PTPRK: variants seen among roughly 807,000 people sequenced by gnomAD.
The protein encoded by PTPRK is protein tyrosine phosphatase receptor type K.
In PTPRK, 75 loss-of-function variants were observed where a neutral mutation model predicts 178.0. The ratio of observed to expected loss-of-function variants is 0.42; its 90% confidence interval spans 0.35 to 0.51. PTPRK has a LOEUF of 0.51. Ranked by LOEUF, PTPRK falls within the 20% of genes least tolerant of loss-of-function variation. The pLI, the probability that PTPRK is intolerant of heterozygous loss-of-function variation, is 0.02. For synonymous variants in PTPRK, 637 were observed against 620.6 expected (o/e 1.03, Z -0.39); for missense variants, 1,441 against 1,797.8 (o/e 0.80, Z 3.59).
chr6:127,986,642 C>T (rs904275366), intron 21 of PTPRK, among the ~76,000 whole-genome samples: 1 of 151,884 alleles, frequency 6.6e-6, no homozygotes, highest in Non-Finnish European at 1.5e-5. Context: ...TGAAATATTG[C>T]CGAATTTATT....
At chr6:128,175,741 G>T (rs1800967115) in intron 7 of PTPRK, among the ~76,000 whole-genome samples, 2 of 151,660 alleles carry the variant, frequency 1.3e-5, no homozygotes, top group Admixed American at 1.3e-4. Flanking sequence ...TGCAACATTT[G>T]ATGTATTATT....
At chr6:128,026,243 C>T (rs189192991) in intron 13 of PTPRK, among the ~76,000 whole-genome samples, 224 of 152,284 alleles carry the variant, frequency 1.5e-3, no homozygotes, top group Non-Finnish European at 2.6e-3. Flanking sequence ...TTTACTGCTA[C>T]CAGAACCTCT....
intron 2 of PTPRK, among the ~76,000 whole-genome samples, chr6:128,367,052 C>T (rs907971008): frequency 1.3e-5 from 2 of 152,052 alleles, no homozygotes; most frequent in Middle Eastern, 3.2e-3. Flanking sequence ...CTGGGTTGGA[C>T]CTACTATATT....
intron 3 of PTPRK, among the ~76,000 whole-genome samples, chr6:128,307,394 T>C (rs890018251): frequency 6.7e-6 from 1 of 150,220 alleles, no homozygotes; most frequent in Non-Finnish European, 1.5e-5. Flanking sequence ...AGAAGAAATA[T>C]AGAATTAAAT....
intron 15 of PTPRK, among the ~76,000 whole-genome samples, chr6:128,000,658 C>T (rs937059756): frequency 5.9e-5 from 9 of 151,998 alleles, no homozygotes; most frequent in African/African-American, 1.7e-4. Flanking sequence ...ATCAACAGAC[C>T]GACATAAAGA....
chr6:128,445,664 A>G (rs764437418), intron 1 of PTPRK, among the ~76,000 whole-genome samples: 53 of 152,102 alleles, frequency 3.5e-4, no homozygotes, highest in Non-Finnish European at 6.2e-4. Context: ...GCAATTATAT[A>G]TTTGATTTTT....
chr6:128,350,757 T>C (rs1446188007), intron 2 of PTPRK, among the ~76,000 whole-genome samples: 1 of 152,222 alleles, frequency 6.6e-6, no homozygotes, highest in Non-Finnish European at 1.5e-5. Context: ...TAATATTTAC[T>C]CTTAAAATGA....
chr6:127,973,178 G>A (rs1351970906), intron 28 of PTPRK, 21 bp from the exon 29 acceptor site: 1 of 1,613,326 alleles, frequency 6.2e-7, no homozygotes, highest in Non-Finnish European at 8.5e-7. Context: ...AGAAAGCAAA[G>A]GCATTTTAGA....
chr6:128,488,936 A>G (rs1481558515), intron 1 of PTPRK, among the ~76,000 whole-genome samples: 2 of 152,106 alleles, frequency 1.3e-5, no homozygotes, highest in Admixed American at 1.3e-4. Flanking sequence ...AAAAAAAAAT[A>G]AGAAAAACTA....
In PTPRK at chr6:128,089,920, G is replaced by A; in HGVS notation, c.1235C>T (p.Ser412Phe). The A allele has an allele frequency of 6.2e-7, 1 of 1,612,224 alleles. No homozygotes were observed. Among genetic ancestry groups the A allele is most frequent in the Non-Finnish European group, 8.5e-7 (1 of 1,178,278 alleles). ...GCAACGCGTAATGTTGTAACCCAAG[G>A]ATTCCCAGTCCACAGCAATCCGTCT... ...QARRIAVDWESLGYNITRCHT... is the reference protein window; with the variant it reads ...QARRIAVDWEFLGYNITRCHT... The change falls in exon 8 of 30, where the codon TCC becomes TTC. Residue 412 changes from serine to phenylalanine, a missense_variant. Transcript: ENST00000368226.
chr6:128,153,377 C>T (rs986313535), intron 7 of PTPRK, among the ~76,000 whole-genome samples: 2 of 151,734 alleles, frequency 1.3e-5, no homozygotes, highest in Non-Finnish European at 2.9e-5. Flanking sequence ...GCTATTAATG[C>T]ATAGTATAAG....
At chr6:128,207,469 A>G (rs184741881) in intron 6 of PTPRK, among the ~76,000 whole-genome samples, 2 of 152,354 alleles carry the variant, frequency 1.3e-5, no homozygotes, top group East Asian at 3.9e-4. Flanking sequence ...ACTCATTTAC[A>G]TGCAAGTTAG....
intron 7 of PTPRK, among the ~76,000 whole-genome samples, chr6:128,128,777 A>C (rs142693461): frequency 2.0e-4 from 31 of 152,164 alleles, no homozygotes; most frequent in Non-Finnish European, 4.3e-4. Context: ...TATACACTCA[A>C]CTCTCAAGAG....
chr6:128,361,303 T>C (rs1168521456), intron 2 of PTPRK, among the ~76,000 whole-genome samples: 2 of 152,220 alleles, frequency 1.3e-5, no homozygotes, highest in African/African-American at 2.4e-5. Context: ...TTTTCTTCAG[T>C]GTAACTAAAC....
intron 3 of PTPRK, among the ~76,000 whole-genome samples, chr6:128,307,868 C>G (rs1826665216): frequency 6.6e-6 from 1 of 152,042 alleles, no homozygotes; most frequent in Non-Finnish European, 1.5e-5. Context: ...GCCAATTGTT[C>G]AGTCATTTTG....
intron 5 of PTPRK, among the ~76,000 whole-genome samples, chr6:128,239,823 C>T (rs141071986): frequency 1.8e-4 from 28 of 152,298 alleles, no homozygotes; most frequent in African/African-American, 6.3e-4. Flanking sequence ...AACAAAAATA[C>T]TTATTAATTA....
At position 128,322,104 on chromosome 6, in the gene PTPRK, A is replaced by G; in HGVS notation, c.430T>C (p.Phe144Leu). Reference protein sequence around the residue: ...LANPIWNVTGFTGRDWLRAEL... With the variant: ...LANPIWNVTGLTGRDWLRAEL... ...GCCCGAAGCCAATCTCTACCCGTGA[A>G]TCCAGTCACATTCCAAATTGGATTG... is the stretch of plus-strand genomic sequence containing the variant. Residue 144 changes from phenylalanine (F) to leucine (L), a missense_variant, in exon 3 of 30, where the codon TTC (phenylalanine) becomes CTC (leucine). Around this residue, in one of 4 missense-constraint regions of PTPRK, gnomAD observed 158 missense variants for 188.0 expected, o/e 0.84. Coordinates refer to ENST00000368226, the MANE Select transcript of PTPRK (RefSeq NM_002844.4). 6.2e-7 allele frequency: 1 copy of G among 1,613,966 alleles called. No individual in the cohort carries two copies. The highest frequency in any genetic ancestry group is 8.5e-7 in the Non-Finnish European group (1 of 1,179,914).
intron 2 of PTPRK, among the ~76,000 whole-genome samples, chr6:128,376,756 C>T (rs868789969): frequency 1.2e-4 from 18 of 152,280 alleles, no homozygotes; most frequent in Admixed American, 3.9e-4. Flanking sequence ...CTCTTGAATG[C>T]TTTGCTGCTC....
intron 1 of PTPRK, among the ~76,000 whole-genome samples, chr6:128,463,721 T>C (rs1849374269): frequency 6.6e-6 from 1 of 150,630 alleles, no homozygotes; most frequent in Non-Finnish European, 1.5e-5. Flanking sequence ...CAGCCTTCTC[T>C]ATAAAAGTCA....
Sources: gnomAD v4.1 joint callset for allele counts (sites outside exome capture counted in the v4.1 genomes callset) on GRCh38, gnomAD v4.1.1 for gene constraint, gnomAD v4.1.1 regional missense constraint, MANE v1.5 for transcripts, NCBI Gene and HGNC (gene_info 2026-07-23, HGNC 2026-07-21) for gene names.